Variants in SI observed in about 807,000 individuals in gnomAD.
SI encodes sucrase-isomaltase, intestinal.
SI carries 235 observed loss-of-function variants against 253.3 expected under a neutral mutation model. The ratio of observed to expected loss-of-function variants is 0.93; its 90% CI spans 0.83 to 1.03. SI has a LOEUF of 1.03. SI is among the 50% of genes least tolerant of loss of function. The probability of loss-of-function intolerance (pLI) is 0.00; values close to 1 mark genes in which losing one functional copy is unlikely to be tolerated. For missense variants in SI, 2,442 were observed against 2,211.1 expected, an observed-to-expected ratio of 1.10 and a Z score of -2.09; for synonymous variants, 819 against 712.0, an observed-to-expected ratio of 1.15 and a Z score of -2.39.
chr3:165,083,783 G>C, the SI span, among the ~76,000 whole-genome samples: 1 of 151,668 alleles, frequency 6.6e-6, no homozygotes, highest in Non-Finnish European at 1.5e-5. Flanking sequence ...TTATGAATCA[G>C]GAAACTATTT....
At chr3:165,024,967 GACAA>G (rs1180038446) in intron 25 of SI, among the ~76,000 whole-genome samples, 1 of 151,150 alleles carries the variant, frequency 6.6e-6, no homozygotes, top group Non-Finnish European at 1.5e-5. Context: ...TTATCTTACT[GACAA>G]ACAATTTGCA....
In SI at chr3:165,038,030, A is replaced by T. The variant is rs776814835; in HGVS notation, c.2302-6T>A. ...CTCCATGGCCTTTTTGCACCCTAAT[A>T]ATTGGAAGATTAAAAACATTCTTAA... On this transcript the variant is annotated splice_polypyrimidine_tract_variant and splice_region_variant and intron_variant, in intron 20 of 47. Transcript: ENST00000264382. 1 of 1,577,122 alleles carries T rather than the reference A, an allele frequency of 6.3e-7. No homozygotes were observed. The highest frequency in any genetic ancestry group is 8.7e-7 in the Non-Finnish European group (1 of 1,147,298).
At chr3:165,068,659 C>T in intron 5 of SI, 63 bp downstream of exon 5, 1 of 1,203,016 alleles carries the variant, frequency 8.3e-7, no homozygotes, top group Non-Finnish European at 1.2e-6. Flanking sequence ...AGGCGTGAGC[C>T]ACCGCGCCCA....
At chr3:165,085,622 A>G in the SI span, among the ~76,000 whole-genome samples, 2 of 152,172 alleles carry the variant, frequency 1.3e-5, no homozygotes, top group African/African-American at 2.4e-5. Flanking sequence ...CCATATCTGT[A>G]TTAGGGAGAA....
rs7611384 is a variant in SI, at chr3:165,033,531, T to A, written c.2516-87A>T. ...ACACTTATACAACACTTAAGAAATT[T>A]GAACAAACTAGATGCTGTTTATTAA... On this transcript the variant is annotated intron_variant, in intron 22 of 47. Transcript: ENST00000264382. The A allele has an allele frequency of 0.27, 327,038 of 1,225,740 alleles. 45,529 individuals are homozygous for A. The highest frequency in any genetic ancestry group is 0.31 in the Middle Eastern group (1,456 of 4,648). 75.9% of individuals were successfully genotyped at this position (1,225,740 alleles called of 1,614,324 possible). A position where few individuals can be genotyped will look rare whatever the true frequency, so the allele number is the denominator to read the frequency against.
intron 37 of SI, among the ~76,000 whole-genome samples, chr3:164,999,502 G>T (rs193232468): frequency 9.2e-5 from 14 of 151,470 alleles, no homozygotes; most frequent in Admixed American, 5.3e-4. Flanking sequence ...CAAATAATTT[G>T]AATATGAATA....
intron 12 of SI, among the ~76,000 whole-genome samples, chr3:165,056,717 A>G (rs1204997583): frequency 6.6e-6 from 1 of 152,158 alleles, no homozygotes; most frequent in Non-Finnish European, 1.5e-5. Flanking sequence ...AGCATTTAGA[A>G]CAGCGCTAGC....
At position 165,067,402 on chromosome 3, in the gene SI, A is replaced by G. The variant is rs927354199; in HGVS notation, c.573T>C (p.Asp191=). Residue 191 remains aspartate (D), a synonymous_variant, in exon 6 of 48, where the codon GAT becomes GAC. Coordinates refer to ENST00000264382, the MANE Select transcript of SI (RefSeq NM_001041.4). The part of the protein sequence containing the change: ...TGPTVSDTLY[D]VKVAQNPFSI... ...TAAATGGGTTTTGGGCAACCTTCAC[A>G]TCATACAACGTATCAGAAACTGTGG... is the stretch of plus-strand genomic sequence containing the variant. 83 of 1,612,620 alleles carry G rather than the reference A, an allele frequency of 5.1e-5. No homozygotes were observed. The highest frequency in any genetic ancestry group is 6.8e-5 in the Non-Finnish European group (80 of 1,179,054).
intron 9 of SI, among the ~76,000 whole-genome samples, chr3:165,061,347 T>C (rs973256874): frequency 2.6e-5 from 4 of 151,990 alleles, no homozygotes; most frequent in African/African-American, 9.7e-5. Flanking sequence ...ACACACAAAG[T>C]CTATATGTAG....
At chr3:165,049,962 T>C in intron 13 of SI, 87 bp from the exon 14 acceptor site, 8 of 846,244 alleles carry the variant, frequency 9.5e-6, no homozygotes, top group Non-Finnish European at 1.4e-5. Context: ...GAAAATGTTT[T>C]ATATAAGATA....
chr3:165,073,638 C>T (rs1419368617), intron 3 of SI, among the ~76,000 whole-genome samples: 3 of 151,816 alleles, frequency 2.0e-5, no homozygotes, highest in African/African-American at 7.3e-5. Context: ...CAAATATTTG[C>T]AAAATGTCAA....
At chr3:165,003,404 AG>A (rs1159136512) in intron 37 of SI, among the ~76,000 whole-genome samples, 1 of 152,028 alleles carries the variant, frequency 6.6e-6, no homozygotes, top group Non-Finnish European at 1.5e-5. Context: ...GTGTTCCAGC[AG>A]GGTTAATCAA....
At chr3:165,039,047 G>A (rs749674440) in intron 20 of SI, 31 bp downstream of exon 20, 3 of 1,386,440 alleles carry the variant, frequency 2.2e-6, no homozygotes, top group Non-Finnish European at 3.1e-6. Context: ...TATAATACTT[G>A]TGAGTCCATT....
In SI at chr3:165,078,483, G is replaced by A. The variant is rs776124025; in HGVS notation, c.-51C>T. Reference sequence around the variant, plus strand: ...CTATGTTGTACCAGACTTGGATAAGGCTGCCAAAATAATGATCAAGGAAAG... The same window carrying A: ...CTATGTTGTACCAGACTTGGATAAGACTGCCAAAATAATGATCAAGGAAAG... On this transcript the variant is annotated 5_prime_UTR_variant, in exon 1 of 48. Transcript: ENST00000264382. 1 of 151,900 alleles carries A rather than the reference G, an allele frequency of 6.6e-6. No individual in the cohort carries two copies. Among genetic ancestry groups the A allele is most frequent in the African/African-American group, 2.4e-5 (1 of 41,358 alleles). 9.4% of individuals were successfully genotyped at this position (151,900 alleles called of 1,614,324 possible). A position where few individuals can be genotyped will look rare whatever the true frequency, so the allele number is the denominator to read the frequency against.
intron 27 of SI, among the ~76,000 whole-genome samples, chr3:165,020,590 T>C (rs532813097): frequency 4.0e-5 from 6 of 151,768 alleles, no homozygotes; most frequent in East Asian, 1.9e-4. Context: ...AATCCAGATA[T>C]AGTTTTAGAT....
chr3:165,027,053 A>C (rs550168194), intron 25 of SI, among the ~76,000 whole-genome samples: 2 of 151,436 alleles, frequency 1.3e-5, no homozygotes, highest in South Asian at 4.1e-4. Context: ...AAAGATAAAT[A>C]AAATTCATAG....
intron 36 of SI, 59 bp from the exon 37 acceptor site, chr3:165,007,013 G>T: frequency 8.4e-7 from 1 of 1,193,228 alleles, no homozygotes; most frequent in Non-Finnish European, 1.2e-6. Flanking sequence ...AATGAAACGT[G>T]TAACTCATAA....
chr3:165,041,819 T>C (rs1712850306), intron 17 of SI, among the ~76,000 whole-genome samples: 1 of 152,070 alleles, frequency 6.6e-6, no homozygotes. Flanking sequence ...CACTATTAAG[T>C]TTGCACTGAA....
At chr3:165,008,570 T>C (rs1718624821) in intron 35 of SI, among the ~76,000 whole-genome samples, 1 of 152,020 alleles carries the variant, frequency 6.6e-6, no homozygotes, top group African/African-American at 2.4e-5. Context: ...GAGAATCCCT[T>C]ATGGTATACC....
Sources: allele counts gnomAD v4.1 joint callset (sites outside exome capture counted in the v4.1 genomes callset), GRCh38; gene constraint gnomAD v4.1.1; transcripts MANE v1.5; gene names NCBI Gene and HGNC (gene_info 2026-07-23, HGNC 2026-07-21).